TMEM63A: variants seen among roughly 807,000 people sequenced by gnomAD.
The protein encoded by TMEM63A is transmembrane protein 63A, also known as mechanosensitive cation channel TMEM63A.
Under a neutral mutation model 100.6 loss-of-function variants are expected in TMEM63A, and 76 were observed. The ratio of observed to expected loss-of-function variants is 0.76; its 90% confidence interval spans 0.63 to 0.91. TMEM63A has a LOEUF of 0.91. Ranked by LOEUF, TMEM63A falls within the 40% of genes least tolerant of loss-of-function variation. The probability of loss-of-function intolerance (pLI) is 0.00; values close to 1 mark genes in which losing one functional copy is unlikely to be tolerated. For synonymous variants in TMEM63A, 401 were observed against 401.1 expected, an observed-to-expected ratio of 1.00 and a Z score of 0.00; for missense variants, 876 against 1,008.8, an observed-to-expected ratio of 0.87 and a Z score of 1.78.
chr1:225,870,444 GCC>G (rs3841810), intron 6 of TMEM63A, among the ~76,000 whole-genome samples: 1 of 150,184 alleles, frequency 6.7e-6, no homozygotes, highest in East Asian at 2.0e-4. Context: ...ATCAGTCCCC[GCC>G]CCCCCCCGCC....
chr1:225,845,068 C>A, downstream of TMEM63A: 1 of 1,485,018 alleles, frequency 6.7e-7, no homozygotes, highest in Non-Finnish European at 9.4e-7. Flanking sequence ...CACCCCCAGG[C>A]GCTTTAACCC....
At chr1:225,851,402 G>C (rs1055936535) in intron 20 of TMEM63A, among the ~76,000 whole-genome samples, 2 of 151,860 alleles carry the variant, frequency 1.3e-5, no homozygotes, top group East Asian at 3.9e-4. Flanking sequence ...ATGGAGTCTC[G>C]CTCATTGGTC....
chr1:225,877,280 T>C (rs1670853640), intron 3 of TMEM63A, 115 bp downstream of exon 3: 3 of 1,210,314 alleles, frequency 2.5e-6, no homozygotes, highest in Non-Finnish European at 2.3e-6. Flanking sequence ...AGCAGCAGAG[T>C]TGAGATTTAA....
chr1:225,881,572 A>G (rs1032432694), intron 1 of TMEM63A, among the ~76,000 whole-genome samples: 2 of 152,164 alleles, frequency 1.3e-5, no homozygotes, highest in Admixed American at 1.3e-4. Context: ...GCTTCCGTTC[A>G]TATCCCCCTT....
intron 17 of TMEM63A, among the ~76,000 whole-genome samples, chr1:225,856,146 C>A (rs934564039): frequency 6.6e-6 from 1 of 151,978 alleles, no homozygotes; most frequent in Non-Finnish European, 1.5e-5. Flanking sequence ...CATGATGAGG[C>A]CTTCCCTAAG....
Position 225,849,846 on chromosome 1 carries a change from G to A in TMEM63A, c.2071+66C>T, listed in dbSNP as rs555622215. The stretch of plus-strand genomic sequence containing the variant: ...ATGCTGTGAAAGCAATGAGGGATCT[G>A]ACTGGCTGGTGGGGATGCAGGGCTG... On this transcript the variant is annotated intron_variant, in intron 21 of 24. Transcript: ENST00000366835. 1.4e-4 allele frequency: 217 copies of A among 1,570,212 alleles called. No individual in the cohort carries two copies. In the African/African-American group the frequency reaches 2.4e-3, roughly 17 times the overall value.
In TMEM63A at chr1:225,865,905, G is replaced by T. The variant is rs773293000; in HGVS notation, c.738C>A (p.Ser246Arg). 26 of 1,613,848 alleles carry T rather than the reference G, an allele frequency of 1.6e-5. No homozygotes were observed. Among genetic ancestry groups the T allele is most frequent in the Non-Finnish European group, 2.1e-5 (25 of 1,179,888 alleles). ...PRDARKETVE[S>R]HFRDAYPTCE... ...CCACCCCACCTGCTTACCGGAAGTG[G>T]CTCTCCACAGTCTCCTTCCTGGCAT... The change falls in exon 10 of 25, where the codon AGC (serine) becomes AGA (arginine). Residue 246 changes from serine (S) to arginine (R), a missense_variant. Coordinates refer to ENST00000366835, the MANE Select transcript of TMEM63A (RefSeq NM_014698.3). The surrounding 1 kb of genome is among the most constrained non-coding windows in gnomAD (Gnocchi z 4.6).
At chr1:225,863,690 G>A (rs1476178228) in intron 10 of TMEM63A, among the ~76,000 whole-genome samples, 1 of 152,084 alleles carries the variant, frequency 6.6e-6, no homozygotes, top group Non-Finnish European at 1.5e-5. Context: ...GCTGAGCCGG[G>A]TGGATCACTT....
At chr1:225,849,804 G>A in intron 21 of TMEM63A, 108 bp downstream of exon 21, 2 of 1,400,916 alleles carry the variant, frequency 1.4e-6, no homozygotes, top group Non-Finnish European at 1.9e-6. Context: ...ACCACATTCT[G>A]ACTGGATGCC....
At chr1:225,877,050 A>G (rs76975982) in intron 3 of TMEM63A, among the ~76,000 whole-genome samples, 6,658 of 152,178 alleles carry the variant, frequency 0.044, 206 homozygotes, top group East Asian at 0.15. Context: ...CTCCAGTCAC[A>G]TGTCTCAACC....
intron 20 of TMEM63A, among the ~76,000 whole-genome samples, chr1:225,852,002 G>T (rs1051901001): frequency 3.9e-5 from 6 of 152,284 alleles, no homozygotes; most frequent in African/African-American, 1.4e-4. Flanking sequence ...GGTGAGAAAT[G>T]TGGTAATCCA....
intron 4 of TMEM63A, among the ~76,000 whole-genome samples, chr1:225,872,689 C>CTTTTTTT (rs67884791): frequency 4.6e-5 from 4 of 87,054 alleles, no homozygotes; most frequent in Admixed American, 1.4e-4. Flanking sequence ...TGCTTTTCTT[C>CTTTTTTT]TTTTTTTTTT....
intron 4 of TMEM63A, 132 bp downstream of exon 4, chr1:225,874,156 G>C: frequency 2.3e-6 from 2 of 855,766 alleles, no homozygotes; most frequent in Admixed American, 5.7e-5. Flanking sequence ...TAAGCCCCTA[G>C]CCCATTCCAG....
rs1286811437 is a variant in TMEM63A at position 225,855,924 on chromosome 1, G to A, written c.1588C>T (p.Arg530Trp). 6.8e-6 allele frequency: 11 copies of A among 1,613,944 alleles called. No individual in the cohort carries two copies. Among genetic ancestry groups the A allele is most frequent in the South Asian group, 1.1e-5 (1 of 91,042 alleles). The stretch of plus-strand genomic sequence containing the variant: ...GAGGAAGTTTTGTCAAAGAGCCACC[G>A]GAAGAAAAAATCTAGACTGAAAAAC... ...LGLTSLDFFF[R>W]WLFDKTSSEA... The change falls in exon 18 of 25, where the codon CGG (arginine) becomes TGG (tryptophan). Residue 530 changes from arginine to tryptophan, a missense_variant. Physicochemically the swap from Arg to Trp is moderately radical, Grantham distance 101. Coordinates refer to ENST00000366835, the MANE Select transcript of TMEM63A (RefSeq NM_014698.3).
downstream of TMEM63A, chr1:225,840,955 T>TA (rs1341060366): frequency 6.6e-6 from 1 of 152,192 alleles, no homozygotes; most frequent in Non-Finnish European, 1.5e-5. Flanking sequence ...TCAAAAAGCT[T>TA]AAAAATGCAA....
chr1:225,856,955 G>C lies in TMEM63A; in HGVS notation c.1440C>G (p.Pro480=). The C allele has an allele frequency of 1.2e-6, 2 of 1,603,934 alleles. No homozygotes were observed. The highest frequency in any genetic ancestry group is 1.7e-6 in the Non-Finnish European group (2 of 1,177,382). Reference sequence around the variant, plus strand: ...GCAGTGTAGAGTAGTAGACAATGGAGGGGAGCAGGGCCGAGAAGGACCAGA... The same window carrying C: ...GCAGTGTAGAGTAGTAGACAATGGACGGGAGCAGGGCCGAGAAGGACCAGA... ...LLLWSFSALL[P]SIVYYSTLLE... Residue 480 remains proline (P), a synonymous_variant, in exon 16 of 25, where the codon CCC becomes CCG. Transcript: ENST00000366835.
intron 15 of TMEM63A, among the ~76,000 whole-genome samples, chr1:225,857,780 A>G (rs1036285989): frequency 6.6e-6 from 1 of 152,220 alleles, no homozygotes; most frequent in African/African-American, 2.4e-5. Context: ...GGTGTGGTTG[A>G]TGTAAAGTAG....
At chr1:225,880,991 A>G (rs984584788) in intron 1 of TMEM63A, among the ~76,000 whole-genome samples, 2 of 152,246 alleles carry the variant, frequency 1.3e-5, no homozygotes, top group Non-Finnish European at 1.5e-5. Context: ...TGATGACAAT[A>G]GCGAAACTAC....
chr1:225,841,910 A>G (rs1668463723), downstream of TMEM63A, among the ~76,000 whole-genome samples: 1 of 152,206 alleles, frequency 6.6e-6, no homozygotes, highest in Non-Finnish European at 1.5e-5. Flanking sequence ...AGCCTGTTCC[A>G]GCCATTTTTA....
Sources: allele counts gnomAD v4.1 joint callset (sites outside exome capture counted in the v4.1 genomes callset), GRCh38; gene constraint gnomAD v4.1.1; non-coding constraint Gnocchi (gnomAD v3.1); transcripts MANE v1.5; gene names NCBI Gene and HGNC (gene_info 2026-07-23, HGNC 2026-07-21).